Variants in KCNK13 observed in about 807,000 individuals in gnomAD.
KCNK13 encodes potassium channel subfamily K member 13.
In KCNK13, 12 loss-of-function variants were observed where a neutral mutation model predicts 23.4. That is an observed-to-expected ratio of 0.51 (90% confidence interval 0.33 to 0.83). The LOEUF (loss-of-function observed/expected upper bound fraction) is 0.83. Ranked by LOEUF, KCNK13 falls within the 40% of genes least tolerant of loss-of-function variation. KCNK13 has a pLI of 0.02. For missense variants in KCNK13, 463 were observed against 556.3 expected, an observed-to-expected ratio of 0.83 and a Z score of 1.69; for synonymous variants, 231 against 229.5, an observed-to-expected ratio of 1.01 and a Z score of -0.06.
intron 1 of KCNK13, among the ~76,000 whole-genome samples, chr14:90,078,463 AGGAG>A (rs1383091580): frequency 1.3e-5 from 2 of 150,784 alleles, no homozygotes; most frequent in Non-Finnish European, 3.0e-5. Flanking sequence ...GAAGGAAGGA[AGGAG>A]GGAGGGAAGG....
chr14:90,122,973 G>A (rs1464444665), intron 1 of KCNK13, among the ~76,000 whole-genome samples: 1 of 152,166 alleles, frequency 6.6e-6, no homozygotes, highest in African/African-American at 2.4e-5. Flanking sequence ...TGAAGACTCC[G>A]AAGCTTGTTA....
chr14:90,069,470 G>A (rs1241256268), intron 1 of KCNK13, among the ~76,000 whole-genome samples: 1 of 151,910 alleles, frequency 6.6e-6, no homozygotes, highest in Non-Finnish European at 1.5e-5. Context: ...TAGGTGTCTT[G>A]TTGGCCCTGG....
intron 1 of KCNK13, among the ~76,000 whole-genome samples, chr14:90,131,423 G>T (rs1270545791): frequency 6.6e-6 from 1 of 151,988 alleles, no homozygotes; most frequent in Non-Finnish European, 1.5e-5. Context: ...TTAGAGACGG[G>T]GTTTCACCAT....
At chr14:90,095,679 C>T (rs954631858) in intron 1 of KCNK13, among the ~76,000 whole-genome samples, 29 of 152,126 alleles carry the variant, frequency 1.9e-4, no homozygotes, top group African/African-American at 5.1e-4. Context: ...GCTTCTGTGA[C>T]CAGAAGTGTG....
At chr14:90,071,854 C>T (rs1296415373) in intron 1 of KCNK13, among the ~76,000 whole-genome samples, 1 of 151,502 alleles carries the variant, frequency 6.6e-6, no homozygotes, top group Admixed American at 6.6e-5. Context: ...GCCGAGATCG[C>T]ACCACTGCAC....
chr14:90,136,034 G>A lies in KCNK13; in HGVS notation c.335-48077G>A, dbSNP rs868621472. Among the ~76,000 whole-genome samples, 4 of 152,124 alleles carry A rather than the reference G, an allele frequency of 2.6e-5. 1 individual carries two copies. Among genetic ancestry groups the A allele is most frequent in the Non-Finnish European group, 2.9e-5 (2 of 67,996 alleles). ...TGCAAGACACACACACACCTGGCCC[G>A]GGCAGCAGTATGGTGGACAAGACCA... On this transcript the variant is annotated intron_variant, in intron 1 of 1. Transcript: ENST00000282146.
At chr14:90,173,794 C>T (rs1890391576) in intron 1 of KCNK13, among the ~76,000 whole-genome samples, 1 of 152,136 alleles carries the variant, frequency 6.6e-6, no homozygotes, top group African/African-American at 2.4e-5. Context: ...GAAGCAGGGG[C>T]TTACAGATCA....
rs868829681 is a variant in KCNK13 at position 90,113,137 on chromosome 14, C to G, written c.334+50598C>G. On this transcript the variant is annotated intron_variant, in intron 1 of 1. Transcript: ENST00000282146. ...GCCATATTGCCCAGGCGAGGCTTGT[C>G]TTTAACTCCTGAGCTCAAGCAATCT... is the stretch of plus-strand genomic sequence containing the variant. Among the ~76,000 whole-genome samples, 5 of 151,962 alleles carry G rather than the reference C, an allele frequency of 3.3e-5. 1 individual carries two copies. The South Asian group carries it at 8.3e-4, about 25-fold the overall frequency.
intron 1 of KCNK13, among the ~76,000 whole-genome samples, chr14:90,144,181 A>T (rs1890046098): frequency 6.6e-6 from 1 of 152,218 alleles, no homozygotes; most frequent in South Asian, 2.1e-4. Context: ...TCCGAGCCAT[A>T]AACATGGCAT....
intron 1 of KCNK13, among the ~76,000 whole-genome samples, chr14:90,072,432 G>A (rs938407): frequency 6.6e-6 from 1 of 151,954 alleles, no homozygotes; most frequent in Non-Finnish European, 1.5e-5. Context: ...GGCATTCAGA[G>A]TCTCACTTTG....
chr14:90,073,599 G>A (rs573882236), intron 1 of KCNK13, among the ~76,000 whole-genome samples: 1 of 152,276 alleles, frequency 6.6e-6, no homozygotes, highest in South Asian at 2.1e-4. Context: ...CCCGGAGCCC[G>A]TGGGGTTCAT....
intron 1 of KCNK13, among the ~76,000 whole-genome samples, chr14:90,173,950 C>T (rs1182227536): frequency 1.3e-5 from 2 of 152,104 alleles, no homozygotes; most frequent in African/African-American, 4.8e-5. Context: ...GAAGGGGAAG[C>T]AGGCACATCT....
At chr14:90,152,676 T>G (rs948353434) in intron 1 of KCNK13, among the ~76,000 whole-genome samples, 3 of 152,184 alleles carry the variant, frequency 2.0e-5, no homozygotes, top group Non-Finnish European at 4.4e-5. Context: ...TTATTAGCAG[T>G]GTGAGAATGG....
At chr14:90,099,200 AAT>A (rs1282298693) in intron 1 of KCNK13, among the ~76,000 whole-genome samples, 1 of 152,288 alleles carries the variant, frequency 6.6e-6, no homozygotes, top group East Asian at 1.9e-4. Context: ...GATATTTTTA[AAT>A]ATGTTAGTCC....
intron 1 of KCNK13, among the ~76,000 whole-genome samples, chr14:90,089,605 G>A (rs182936546): frequency 1.2e-4 from 18 of 152,338 alleles, no homozygotes; most frequent in African/African-American, 4.1e-4. Flanking sequence ...AAGTAACGAG[G>A]AGCCAAATGT....
intron 1 of KCNK13, among the ~76,000 whole-genome samples, chr14:90,076,147 T>C (rs1407893413): frequency 6.6e-6 from 1 of 152,264 alleles, no homozygotes; most frequent in Non-Finnish European, 1.5e-5. Context: ...TTGCCTGTAG[T>C]ACTGCTTCTT....
intron 1 of KCNK13, among the ~76,000 whole-genome samples, chr14:90,087,630 G>T (rs186078748): frequency 6.6e-6 from 1 of 152,180 alleles, no homozygotes; most frequent in Non-Finnish European, 1.5e-5. Context: ...CAATCACTGC[G>T]CAGCATAATC....
At chr14:90,071,169 T>C (rs1236332480) in intron 1 of KCNK13, among the ~76,000 whole-genome samples, 1 of 152,192 alleles carries the variant, frequency 6.6e-6, no homozygotes, top group Non-Finnish European at 1.5e-5. Flanking sequence ...CCTCTATCCC[T>C]TTCTCTATGA....
At chr14:90,128,220 C>T (rs1359662634) in intron 1 of KCNK13, among the ~76,000 whole-genome samples, 1 of 152,214 alleles carries the variant, frequency 6.6e-6, no homozygotes, top group Non-Finnish European at 1.5e-5. Flanking sequence ...ACTCCATCTT[C>T]AGTTGAAATG....
Sources: allele counts gnomAD v4.1 joint callset (sites outside exome capture counted in the v4.1 genomes callset), GRCh38; gene constraint gnomAD v4.1.1; transcripts MANE v1.5; gene names NCBI Gene and HGNC (gene_info 2026-07-23, HGNC 2026-07-21).